VWA3A: variants seen among roughly 807,000 people sequenced by gnomAD.
VWA3A encodes the protein von Willebrand factor A domain-containing protein 3A.
In VWA3A, 134 loss-of-function variants were observed where a neutral mutation model predicts 160.4. The observed-to-expected ratio is 0.84, with a 90% CI of 0.73 to 0.96. The LOEUF (loss-of-function observed/expected upper bound fraction) is 0.96, where lower values mean the gene tolerates loss of function less well. VWA3A is among the 40% of genes least tolerant of loss of function. The pLI, the probability that VWA3A is intolerant of heterozygous loss-of-function variation, is 0.00. For missense variants in VWA3A, 1,310 were observed against 1,447.9 expected, an observed-to-expected ratio of 0.90 and a Z score of 1.55; for synonymous variants, 476 against 543.4, an observed-to-expected ratio of 0.88 and a Z score of 1.72.
intron 22 of VWA3A, among the ~76,000 whole-genome samples, chr16:22,139,942 T>C (rs181297973): frequency 3.3e-5 from 5 of 152,234 alleles, no homozygotes; most frequent in Admixed American, 2.6e-4. Flanking sequence ...TATACACTCC[T>C]ACACACATGT....
chr16:22,119,123 C>A, intron 12 of VWA3A, 96 bp downstream of exon 12: 1 of 1,401,058 alleles, frequency 7.1e-7, no homozygotes, highest in South Asian at 1.5e-5. Flanking sequence ...GCACAGCTGC[C>A]AGTGCCTGTC....
intron 26 of VWA3A, 125 bp from the exon 27 acceptor site, chr16:22,146,111 C>T (rs879115131): frequency 1.2e-5 from 9 of 777,136 alleles, no homozygotes; most frequent in African/African-American, 1.7e-5. Context: ...CATGAGCCAC[C>T]GTGCCCAGCC....
intron 14 of VWA3A, among the ~76,000 whole-genome samples, chr16:22,122,300 GATGGATGGATGC>G (rs1362888895): frequency 3.3e-5 from 5 of 151,798 alleles, no homozygotes; most frequent in Non-Finnish European, 7.4e-5. Flanking sequence ...TGGATGGATG[GATGGATGGATGC>G]ATGGATGGAT....
chr16:22,142,749 T>C lies in VWA3A; in HGVS notation c.2576T>C (p.Val859Ala). ...ATTGACTTACCCAGAAAGGATACAG[T>C]TTGCTCAAGCCAAGAGGTATTAAGT... ...SSIDLPRKDT[V>A]CSSQEWVAKY... is the part of the protein sequence containing the mutation. Residue 859 changes from valine (V) to alanine (A), a missense_variant, in exon 25 of 34, where the codon GTT becomes GCT. Transcript: ENST00000389398. 1 of 1,570,302 alleles carries C rather than the reference T, an allele frequency of 6.4e-7. No individual in the cohort carries two copies. Among genetic ancestry groups the C allele is most frequent in the Non-Finnish European group, 8.6e-7 (1 of 1,156,836 alleles).
At chr16:22,131,147 G>GT in intron 17 of VWA3A, 58 bp from the exon 18 acceptor site, 1 of 1,535,524 alleles carries the variant, frequency 6.5e-7, no homozygotes, top group Non-Finnish European at 9.0e-7. Context: ...GCCCAAAGAG[G>GT]TGGGCCACCA....
intron 21 of VWA3A, among the ~76,000 whole-genome samples, chr16:22,136,303 CAGTG>C (rs936685798): frequency 6.6e-6 from 1 of 152,114 alleles, no homozygotes; most frequent in Non-Finnish European, 1.5e-5. Context: ...ACCCAGTAGA[CAGTG>C]AGGCCATTGA....
At chr16:22,152,028 G>T (rs566091382) in intron 30 of VWA3A, among the ~76,000 whole-genome samples, 1 of 152,178 alleles carries the variant, frequency 6.6e-6, no homozygotes, top group Non-Finnish European at 1.5e-5. Flanking sequence ...GGCCAACATG[G>T]CGAAACCCCG....
intron 28 of VWA3A, among the ~76,000 whole-genome samples, chr16:22,148,702 T>C (rs913950072): frequency 2.0e-4 from 30 of 151,858 alleles, no homozygotes; most frequent in African/African-American, 7.0e-4. Context: ...GCCCAGGAGG[T>C]TGAGGCTGCA....
chr16:22,104,967 C>A (rs1309426595), intron 6 of VWA3A, among the ~76,000 whole-genome samples: 1 of 152,164 alleles, frequency 6.6e-6, no homozygotes, highest in East Asian at 1.9e-4. Context: ...CCAATCCCCA[C>A]CTCTACCCAA....
chr16:22,097,694 T>G lies in VWA3A; in HGVS notation c.224T>G (p.Leu75Arg). 1 of 1,551,432 alleles carries G rather than the reference T, an allele frequency of 6.4e-7. No individual in the cohort carries two copies. The highest frequency in any genetic ancestry group is 1.2e-5 in the South Asian group (1 of 84,046). The change falls in exon 3 of 34, where the codon CTG becomes CGG. Residue 75 changes from leucine (L) to arginine (R), a missense_variant and splice_region_variant. By Grantham distance (102) the Leu-to-Arg change is moderately radical. Coordinates refer to ENST00000389398, the MANE Select transcript of VWA3A (RefSeq NM_173615.5). The stretch of plus-strand genomic sequence containing the variant: ...CATGTTAACCAGACACAGGACTTAC[T>G]GGTAAAGACCATGGCACTTTAACTG... ...VTHVNQTQDLLRLQGSETQSS... is the reference protein window; with the variant it reads ...VTHVNQTQDLRRLQGSETQSS...
At position 22,155,689 on chromosome 16, in the gene VWA3A, G is replaced by C. The variant is rs553835209; in HGVS notation, c.3503+25G>C. 16 of 1,611,516 alleles carry C rather than the reference G, an allele frequency of 9.9e-6. No homozygotes were observed. The South Asian group carries it at 1.6e-4, about 17-fold the overall frequency. ...GGTATGCCCTTCACGCAGCCTCTCC[G>C]GCCTGCCATGTGGCTACAGCCCATG... is the stretch of plus-strand genomic sequence containing the variant. On this transcript the variant is annotated intron_variant, in intron 32 of 33. Coordinates refer to ENST00000389398, the MANE Select transcript of VWA3A (RefSeq NM_173615.5).
At position 22,149,909 on chromosome 16, in the gene VWA3A, C is replaced by A. The variant is rs775092941; in HGVS notation, c.3107C>A (p.Thr1036Asn). The A allele has an allele frequency of 2.5e-6, 4 of 1,609,440 alleles. No individual in the cohort carries two copies. Among genetic ancestry groups the A allele is most frequent in the Non-Finnish European group, 3.4e-6 (4 of 1,177,136 alleles). ...ACCCACCTGCAAGCTCAGGGCAGCA[C>A]CTCCATCTTGCAAGCATTGCTGGCA... ...WVTHLQAQGS[T>N]SILQALLKAF... is the part of the protein sequence containing the mutation. The change falls in exon 29 of 34, where the codon ACC (threonine) becomes AAC (asparagine). Residue 1036 changes from threonine (T) to asparagine (N), a missense_variant. Coordinates refer to ENST00000389398, the MANE Select transcript of VWA3A (RefSeq NM_173615.5).
In VWA3A at chr16:22,144,391, C is replaced by T. The variant is rs758732427; in HGVS notation, c.2730+7C>T. 4.3e-6 allele frequency: 7 copies of T among 1,610,536 alleles called. No homozygotes were observed. The highest frequency in any genetic ancestry group is 1.7e-5 in the Admixed American group (1 of 59,030). ...CCCCAGCGTTGAGATCCATGTAAGT[C>T]ACAATTTTCATCATCGTCTTTTTTT... On this transcript the variant is annotated splice_region_variant and intron_variant, in intron 26 of 33. Coordinates refer to ENST00000389398, the MANE Select transcript of VWA3A (RefSeq NM_173615.5).
chr16:22,100,120 G>C, intron 3 of VWA3A, 74 bp from the exon 4 acceptor site: 9 of 1,460,976 alleles, frequency 6.2e-6, no homozygotes, highest in Non-Finnish European at 8.1e-6. Context: ...CGCCCGTTGG[G>C]TATCTGTGTG....
intron 6 of VWA3A, 131 bp downstream of exon 6, chr16:22,103,660 A>C (rs1487396567): frequency 1.1e-5 from 12 of 1,048,690 alleles, no homozygotes; most frequent in African/African-American, 1.6e-5. Flanking sequence ...TACTAACCTA[A>C]GTAAATGAAA....
chr16:22,126,032 G>A, intron 16 of VWA3A, 146 bp from the exon 17 acceptor site: 2 of 1,097,488 alleles, frequency 1.8e-6, no homozygotes, highest in South Asian at 2.8e-5. Flanking sequence ...ACATCCGTTG[G>A]CCTCAAACCA....
At chr16:22,124,096 G>A (rs905655223) in intron 16 of VWA3A, among the ~76,000 whole-genome samples, 2 of 148,390 alleles carry the variant, frequency 1.3e-5, no homozygotes, top group East Asian at 2.0e-4. Flanking sequence ...CAGGCGGGTC[G>A]CTTGAGTCCA....
chr16:22,130,528 G>T (rs1044793667), intron 17 of VWA3A, among the ~76,000 whole-genome samples: 2 of 152,100 alleles, frequency 1.3e-5, no homozygotes, highest in African/African-American at 4.8e-5. Context: ...CTTCATAAAG[G>T]GTATAAATCC....
At position 22,109,149 on chromosome 16, in the gene VWA3A, T is replaced by C. The variant is rs534259821; in HGVS notation, c.484-333T>C. On this transcript the variant is annotated intron_variant, in intron 6 of 33. Transcript: ENST00000389398. The stretch of plus-strand genomic sequence containing the variant: ...ATTAAATCAGATAAGCTAATATAAA[T>C]AGCCATCAAATTTTATATCTTCAAA... Among the ~76,000 whole-genome samples, 4 of 152,274 alleles carry C rather than the reference T, an allele frequency of 2.6e-5. No homozygotes were observed. In the South Asian group the frequency reaches 6.2e-4, roughly 24 times the overall value.
Sources: allele counts gnomAD v4.1 joint callset (sites outside exome capture counted in the v4.1 genomes callset), GRCh38; gene constraint gnomAD v4.1.1; transcripts MANE v1.5; gene names NCBI Gene and HGNC (gene_info 2026-07-23, HGNC 2026-07-21).